The following SLC12A8 variants were observed in gnomAD, a reference collection of about 807,000 sequenced individuals.
SLC12A8 encodes cation-chloride cotransporter 9.
SLC12A8 carries 69 observed loss-of-function variants against 75.6 expected under a neutral mutation model. That is an observed-to-expected ratio of 0.91 (90% CI 0.75 to 1.11). The LOEUF (loss-of-function observed/expected upper bound fraction) is 1.11, where lower values mean the gene tolerates loss of function less well. SLC12A8 is among the 50% of genes most tolerant of loss of function. The probability of loss-of-function intolerance (pLI) is 0.00; values close to 1 mark genes in which losing one functional copy is unlikely to be tolerated. For synonymous variants in SLC12A8, 365 were observed against 372.8 expected (o/e 0.98, Z 0.24); for missense variants, 877 against 896.7 (o/e 0.98, Z 0.28).
chr3:125,208,791 C>CAG (rs1287670719), intron 2 of SLC12A8, among the ~76,000 whole-genome samples: 378 of 84,194 alleles, frequency 4.5e-3, no homozygotes, highest in Middle Eastern at 8.6e-3. Context: ...CACACACACA[C>CAG]AGAGAGAGAG....
chr3:125,125,361 C>A (rs1461998443), intron 6 of SLC12A8, among the ~76,000 whole-genome samples: 1 of 151,998 alleles, frequency 6.6e-6, no homozygotes, highest in Non-Finnish European at 1.5e-5. Flanking sequence ...AGTTGGAGAC[C>A]AGCCTGACCA....
chr3:125,104,211 T>TC (rs1938963247), intron 10 of SLC12A8, among the ~76,000 whole-genome samples: 1 of 151,990 alleles, frequency 6.6e-6, no homozygotes, highest in Admixed American at 6.5e-5. Context: ...GCTTAAGAGA[T>TC]CCCCCCACCT....
At chr3:125,135,574 C>T (rs1933466031) in intron 6 of SLC12A8, 95 bp downstream of exon 6, 2 of 670,044 alleles carry the variant, frequency 3.0e-6, no homozygotes, top group East Asian at 5.6e-5. Context: ...GATATACATA[C>T]CAAGAGTACC....
At chr3:125,127,759 G>A (rs1933244051) in intron 6 of SLC12A8, among the ~76,000 whole-genome samples, 1 of 152,028 alleles carries the variant, frequency 6.6e-6, no homozygotes, top group Non-Finnish European at 1.5e-5. Flanking sequence ...ATGATAATAA[G>A]TATTGTCGAT....
At chr3:125,165,264 T>C (rs531331731) in intron 5 of SLC12A8, among the ~76,000 whole-genome samples, 29 of 152,316 alleles carry the variant, frequency 1.9e-4, no homozygotes, top group African/African-American at 7.0e-4. Context: ...TTCCTCTTAG[T>C]ACCTCTGTGG....
At chr3:125,156,207 C>T (rs1934047711) in intron 5 of SLC12A8, among the ~76,000 whole-genome samples, 2 of 152,194 alleles carry the variant, frequency 1.3e-5, no homozygotes, top group Admixed American at 1.3e-4. Context: ...ACGCTAGAAA[C>T]CGTGCAAATG....
At chr3:125,110,977 C>T (rs566800310) in intron 8 of SLC12A8, among the ~76,000 whole-genome samples, 24 of 152,310 alleles carry the variant, frequency 1.6e-4, no homozygotes, top group African/African-American at 5.5e-4. Flanking sequence ...TCTGTTCACA[C>T]GCCCTAATCT....
At position 125,130,777 on chromosome 3, in the gene SLC12A8, GCC is replaced by G. The variant is rs1285523172; in HGVS notation, c.736+4890_736+4891del. Among the ~76,000 whole-genome samples, 163 of 152,206 alleles carry G rather than the reference GCC, an allele frequency of 1.1e-3. 1 individual carries two copies. Among genetic ancestry groups the G allele is most frequent in the African/African-American group, 3.3e-3 (139 of 41,546 alleles). ...GGAGAAGCTGGAGGGGAGGCTCACC[GCC>G]CCCTTCCCCCACTCACACCAGGCAT... On this transcript the variant is annotated intron_variant, in intron 6 of 13. Coordinates refer to ENST00000469902, the MANE Select transcript of SLC12A8 (RefSeq NM_024628.6).
chr3:125,110,054 C>A, intron 9 of SLC12A8, 135 bp downstream of exon 9: 1 of 954,934 alleles, frequency 1.0e-6, no homozygotes, highest in South Asian at 1.6e-5. Flanking sequence ...ATGACCTCTG[C>A]ATTATTTTCT....
At chr3:125,145,222 G>A (rs1933743568) in intron 5 of SLC12A8, among the ~76,000 whole-genome samples, 1 of 152,138 alleles carries the variant, frequency 6.6e-6, no homozygotes, top group South Asian at 2.1e-4. Context: ...TGTCCTATGG[G>A]TCCCCATCTC....
At chr3:125,164,275 C>T (rs1209147000) in intron 5 of SLC12A8, among the ~76,000 whole-genome samples, 2 of 152,332 alleles carry the variant, frequency 1.3e-5, no homozygotes, top group Admixed American at 1.3e-4. Flanking sequence ...GGTTTCAATC[C>T]TGGCTGAGCC....
At position 125,118,793 on chromosome 3, in the gene SLC12A8, G is replaced by A. The variant is rs1372963424; in HGVS notation, c.888C>T (p.Arg296=). 2.5e-6 allele frequency: 4 copies of A among 1,613,836 alleles called. No homozygotes were observed. Among genetic ancestry groups the A allele is most frequent in the Non-Finnish European group, 3.4e-6 (4 of 1,179,830 alleles). Reference sequence around the variant, plus strand: ...CCTTTTCCGCTATCAGGAAGTCATAGCGAAGGGCCTCTCGAGTGCAGATGG... The same window carrying A: ...CCTTTTCCGCTATCAGGAAGTCATAACGAAGGGCCTCTCGAGTGCAGATGG... ...LGAICTREAL[R]YDFLIAEKVS... is the part of the protein sequence containing the mutation. Residue 296 remains arginine, a synonymous_variant, in exon 8 of 14, where the codon CGC becomes CGT. Transcript: ENST00000469902.
At chr3:125,200,597 G>A (rs1935101683) in intron 2 of SLC12A8, among the ~76,000 whole-genome samples, 1 of 152,196 alleles carries the variant, frequency 6.6e-6, no homozygotes, top group Admixed American at 6.5e-5. Context: ...ATTTTATTCA[G>A]TGGATGAATT....
intron 10 of SLC12A8, among the ~76,000 whole-genome samples, chr3:125,099,851 C>T (rs1938820873): frequency 6.6e-6 from 1 of 152,016 alleles, no homozygotes; most frequent in African/African-American, 2.4e-5. Flanking sequence ...TTGCCTGAAC[C>T]CAGGAGGTGG....
At chr3:125,180,030 T>G (rs113417664) in intron 4 of SLC12A8, among the ~76,000 whole-genome samples, 1 of 104,718 alleles carries the variant, frequency 9.5e-6, no homozygotes, top group Non-Finnish European at 2.5e-5. Flanking sequence ...TTCCAAACTG[T>G]TTTTTTTTTC....
intron 6 of SLC12A8, among the ~76,000 whole-genome samples, chr3:125,134,348 G>GTCC (rs775115525): frequency 5.8e-4 from 88 of 152,046 alleles, no homozygotes; most frequent in African/African-American, 2.0e-3. Flanking sequence ...GACCTGAGGT[G>GTCC]ATCCACCTGC....
intron 5 of SLC12A8, among the ~76,000 whole-genome samples, chr3:125,160,949 C>G (rs1934155210): frequency 6.6e-6 from 1 of 152,198 alleles, no homozygotes; most frequent in South Asian, 2.1e-4. Context: ...ATTCCACATG[C>G]CCGGGTTCCG....
At chr3:125,115,862 G>C (rs1939298752) in intron 8 of SLC12A8, among the ~76,000 whole-genome samples, 1 of 152,142 alleles carries the variant, frequency 6.6e-6, no homozygotes, top group Admixed American at 6.5e-5. Context: ...GCCCAGGAAA[G>C]CTCAGAGATG....
intron 5 of SLC12A8, among the ~76,000 whole-genome samples, chr3:125,153,445 A>C (rs568864476): frequency 6.6e-6 from 1 of 152,244 alleles, no homozygotes; most frequent in South Asian, 2.1e-4. Flanking sequence ...TACTTTCAGA[A>C]ACACCAAAGG....
Sources: allele counts gnomAD v4.1 joint callset (sites outside exome capture counted in the v4.1 genomes callset), GRCh38; gene constraint gnomAD v4.1.1; transcripts MANE v1.5; gene names NCBI Gene and HGNC (gene_info 2026-07-23, HGNC 2026-07-21).